The following LARGE1 variants were observed in gnomAD, a reference collection of about 807,000 sequenced individuals.
The protein encoded by LARGE1 is xylosyl- and glucuronyltransferase LARGE1.
Under a neutral mutation model 87.6 loss-of-function variants are expected in LARGE1, and 43 were observed. The observed-to-expected ratio is 0.49, with a 90% CI of 0.38 to 0.63. The LOEUF (loss-of-function observed/expected upper bound fraction) is 0.63, where lower values mean the gene tolerates loss of function less well. LARGE1 is among the 30% of genes least tolerant of loss of function. LARGE1 has a pLI of 0.00. For missense variants in LARGE1, 802 were observed against 1,000.2 expected, an observed-to-expected ratio of 0.80 and a Z score of 2.67; for synonymous variants, 434 against 394.6, an observed-to-expected ratio of 1.10 and a Z score of -1.18.
In LARGE1 at chr22:33,894,619, T is replaced by C. The variant is rs541132194; in HGVS notation, c.-83+25376A>G. Among the ~76,000 whole-genome samples, 13 of 152,260 alleles carry C rather than the reference T, an allele frequency of 8.5e-5. No individual in the cohort carries two copies. The South Asian group carries it at 2.3e-3, about 27-fold the overall frequency. ...ACATGGGAGCTGGCAGAAAAACTAC[T>C]GTGCTCTTCCAAGGCAGTGGCCCCA... On this transcript the variant is annotated intron_variant, in intron 1 of 14. Coordinates refer to ENST00000397394, the MANE Select transcript of LARGE1 (RefSeq NM_133642.5).
At chr22:33,234,329 C>A (rs371778491) in intron 11 of LARGE1, among the ~76,000 whole-genome samples, 1 of 152,132 alleles carries the variant, frequency 6.6e-6, no homozygotes, top group African/African-American at 2.4e-5. Context: ...ATATGCCTAT[C>A]TTCAAAGGGA....
intron 4 of LARGE1, among the ~76,000 whole-genome samples, chr22:33,609,619 T>C (rs575767932): frequency 6.6e-6 from 1 of 152,300 alleles, no homozygotes; most frequent in African/African-American, 2.4e-5. Context: ...TGGATTTTTT[T>C]CAACAAAATC....
At chr22:33,456,501 T>G (rs2068136852) in intron 6 of LARGE1, among the ~76,000 whole-genome samples, 1 of 152,258 alleles carries the variant, frequency 6.6e-6, no homozygotes, top group Non-Finnish European at 1.5e-5. Flanking sequence ...AAGCATGGAA[T>G]AAGGCTAAAC....
At chr22:33,631,278 C>T (rs944205387) in intron 3 of LARGE1, among the ~76,000 whole-genome samples, 9 of 152,156 alleles carry the variant, frequency 5.9e-5, no homozygotes, top group African/African-American at 9.7e-5. Flanking sequence ...AGCAATCTTC[C>T]CGTCTCAGCT....
intron 7 of LARGE1, among the ~76,000 whole-genome samples, chr22:33,404,393 T>G (rs1173378665): frequency 1.3e-5 from 2 of 152,200 alleles, no homozygotes; most frequent in Non-Finnish European, 2.9e-5. Context: ...AATGCCACAT[T>G]TATAACCAGT....
At chr22:33,680,120 G>T (rs1047486857) in intron 2 of LARGE1, among the ~76,000 whole-genome samples, 2 of 152,150 alleles carry the variant, frequency 1.3e-5, no homozygotes, top group Non-Finnish European at 2.9e-5. Flanking sequence ...ATGTGCTTCA[G>T]GTCATACATC....
rs372296784 is a variant in LARGE1 at position 33,334,049 on chromosome 22, G to C, written c.1287+3597C>G. On this transcript the variant is annotated intron_variant, in intron 10 of 14. Coordinates refer to ENST00000397394, the MANE Select transcript of LARGE1 (RefSeq NM_133642.5). Reference sequence around the variant, plus strand: ...AGCCAAGAAGAATTGCTTGAATCTGGGAGGGAGAGGTTGCCATGAGCCGAG... The same window carrying C: ...AGCCAAGAAGAATTGCTTGAATCTGCGAGGGAGAGGTTGCCATGAGCCGAG... Among the ~76,000 whole-genome samples, 28 of 152,126 alleles carry C rather than the reference G, an allele frequency of 1.8e-4. No homozygotes were observed. In the East Asian group the frequency reaches 4.6e-3, roughly 25 times the overall value.
At chr22:33,475,170 C>T (rs1046544860) in intron 6 of LARGE1, among the ~76,000 whole-genome samples, 50 of 152,166 alleles carry the variant, frequency 3.3e-4, no homozygotes, top group African/African-American at 1.2e-3. Context: ...TGCCTAATCC[C>T]ATATAGAAGA....
chr22:33,857,696 G>T (rs576205330), intron 1 of LARGE1, among the ~76,000 whole-genome samples: 66 of 152,320 alleles, frequency 4.3e-4, no homozygotes, highest in Non-Finnish European at 1.0e-4. Flanking sequence ...GCAGTTATCT[G>T]CTTAAGACCT....
At chr22:33,356,529 T>C in intron 9 of LARGE1, among the ~76,000 whole-genome samples, 1 of 152,200 alleles carries the variant, frequency 6.6e-6, no homozygotes, top group East Asian at 1.9e-4. Flanking sequence ...CCCAGCACTT[T>C]GGGAGGCTGA....
chr22:33,807,291 C>A (rs761398454), intron 1 of LARGE1, among the ~76,000 whole-genome samples: 1 of 152,148 alleles, frequency 6.6e-6, no homozygotes, highest in Non-Finnish European at 1.5e-5. Flanking sequence ...TTAATCTACA[C>A]GATTAATTAT....
intron 6 of LARGE1, among the ~76,000 whole-genome samples, chr22:33,531,364 G>T (rs1255528778): frequency 6.6e-6 from 1 of 152,058 alleles, no homozygotes; most frequent in Non-Finnish European, 1.5e-5. Flanking sequence ...CACCACGTTG[G>T]CCAGGCTGGT....
chr22:33,632,079 C>G (rs1333222864), intron 3 of LARGE1, among the ~76,000 whole-genome samples: 2 of 152,186 alleles, frequency 1.3e-5, no homozygotes, highest in African/African-American at 4.8e-5. Context: ...CTCCAACTCA[C>G]TCTCTACCCT....
intron 4 of LARGE1, among the ~76,000 whole-genome samples, chr22:33,605,270 T>C (rs575188279): frequency 1.3e-5 from 2 of 152,250 alleles, no homozygotes; most frequent in Admixed American, 1.3e-4. Flanking sequence ...AATCAGATTC[T>C]GGTGGCAAAC....
intron 7 of LARGE1, among the ~76,000 whole-genome samples, chr22:33,392,733 G>A (rs1351504329): frequency 6.6e-6 from 1 of 152,102 alleles, no homozygotes; most frequent in Non-Finnish European, 1.5e-5. Context: ...AGATTTAAAT[G>A]GCATCTGGTA....
At chr22:33,119,055 G>C in the LARGE1 span, among the ~76,000 whole-genome samples, 1 of 152,198 alleles carries the variant, frequency 6.6e-6, no homozygotes, top group Non-Finnish European at 1.5e-5. Flanking sequence ...TTCCTTTGGA[G>C]CAAAAGGGCT....
chr22:33,794,011 A>C (rs1350543283), intron 1 of LARGE1, among the ~76,000 whole-genome samples: 1 of 148,606 alleles, frequency 6.7e-6, no homozygotes, highest in African/African-American at 2.4e-5. Flanking sequence ...AGGGAAAATA[A>C]AGTTTATTAA....
chr22:33,242,153 T>G, intron 11 of LARGE1, among the ~76,000 whole-genome samples: 1 of 152,260 alleles, frequency 6.6e-6, no homozygotes, highest in East Asian at 1.9e-4. Flanking sequence ...AAAAATAAAA[T>G]TTTAAAGATA....
At chr22:33,509,434 C>T (rs2070940774) in intron 6 of LARGE1, among the ~76,000 whole-genome samples, 3 of 152,106 alleles carry the variant, frequency 2.0e-5, no homozygotes, top group Admixed American at 1.3e-4. Context: ...TTAATAGAGT[C>T]CTCTATGGAA....
Sources: gnomAD v4.1 joint callset for allele counts (sites outside exome capture counted in the v4.1 genomes callset) on GRCh38, gnomAD v4.1.1 for gene constraint, MANE v1.5 for transcripts, NCBI Gene and HGNC (gene_info 2026-07-23, HGNC 2026-07-21) for gene names.